VANGL1: variants seen among roughly 807,000 people sequenced by gnomAD.
VANGL1 encodes the protein VANGL planar cell polarity protein 1, also known as vang-like protein 1.
In VANGL1, 18 loss-of-function variants were observed where a neutral mutation model predicts 48.4. The observed-to-expected ratio is 0.37, with a 90% confidence interval of 0.26 to 0.55. VANGL1 has a LOEUF of 0.55. VANGL1 is among the 20% of genes least tolerant of loss of function. VANGL1 has a pLI of 0.81. For synonymous variants in VANGL1, 257 were observed against 261.8 expected (o/e 0.98, Z 0.18); for missense variants, 667 against 675.8 (o/e 0.99, Z 0.14).
rs1383337458 is a variant in VANGL1, at chr1:115,693,779, A to G, written c.*2400A>G. On this transcript the variant is annotated 3_prime_UTR_variant, in exon 8 of 8. Coordinates refer to ENST00000355485, the MANE Select transcript of VANGL1 (RefSeq NM_138959.3). ...ACATTTAAAAGATTTAAGGTTTCAG[A>G]AAGCTGCATCCCACAATTGAACACA... The G allele has an allele frequency of 1.3e-5, 2 of 152,236 alleles. No homozygotes were observed. The highest frequency in any genetic ancestry group is 4.8e-5 in the African/African-American group (2 of 41,466). 9.4% of individuals were successfully genotyped at this position (152,236 alleles called of 1,614,324 possible).
chr1:115,693,160 T>C lies in VANGL1; in HGVS notation c.*1781T>C, dbSNP rs1448564046. 1 of 152,626 alleles carries C rather than the reference T, an allele frequency of 6.6e-6. No individual in the cohort carries two copies. The highest frequency in any genetic ancestry group is 2.4e-5 in the African/African-American group (1 of 41,452). 9.5% of individuals were successfully genotyped at this position (152,626 alleles called of 1,614,324 possible). On this transcript the variant is annotated 3_prime_UTR_variant, in exon 8 of 8. Transcript: ENST00000355485. ...CAAGATGTACTATTCAACTATGTGT[T>C]TCTGTTTATAAAAAACACATACCAT... is the stretch of plus-strand genomic sequence containing the variant.
chr1:115,646,718 A>G (rs964187923), intron 1 of VANGL1, among the ~76,000 whole-genome samples: 1 of 152,176 alleles, frequency 6.6e-6, no homozygotes, highest in African/African-American at 2.4e-5. Context: ...ACAGGCAGTC[A>G]TGAAAGTGCC....
rs200391853 is a variant in VANGL1, at chr1:115,659,720, C to T, written c.151C>T (p.Pro51Ser). Residue 51 changes from proline (P) to serine (S), a missense_variant, in exon 3 of 8, where the codon CCC becomes TCC. Physicochemically the swap from Pro to Ser is moderately conservative, Grantham distance 74. Coordinates refer to ENST00000355485, the MANE Select transcript of VANGL1 (RefSeq NM_138959.3). ...GSEKSVTIQP[P>S]TGEPLLGNDS... Reference sequence around the variant, plus strand: ...AGAAAAGTCTGTCACCATTCAACCTCCCACTGGAGAGCCCCTGTTGGGAAA... The same window carrying T: ...AGAAAAGTCTGTCACCATTCAACCTTCCACTGGAGAGCCCCTGTTGGGAAA... 5 of 1,614,144 alleles carry T rather than the reference C, an allele frequency of 3.1e-6. No individual in the cohort carries two copies. The South Asian group carries it at 4.4e-5, about 14-fold the overall frequency.
intron 4 of VANGL1, among the ~76,000 whole-genome samples, chr1:115,668,198 A>ACT (rs1178327886): frequency 6.6e-6 from 1 of 152,228 alleles, no homozygotes. Flanking sequence ...ATTTCACCAT[A>ACT]CTACCTCTGA....
chr1:115,678,168 C>G (rs1234516596), intron 4 of VANGL1, among the ~76,000 whole-genome samples: 4 of 152,196 alleles, frequency 2.6e-5, no homozygotes, highest in Non-Finnish European at 5.9e-5. Context: ...TTGACTCCCT[C>G]GAAGATATCA....
In VANGL1 at chr1:115,651,437, T is replaced by G. The variant is rs747678228; in HGVS notation, c.24T>G (p.Ser8=). 2 of 1,614,106 alleles carry G rather than the reference T, an allele frequency of 1.2e-6. No homozygotes were observed. Among genetic ancestry groups the G allele is most frequent in the Non-Finnish European group, 1.7e-6 (2 of 1,180,020 alleles). Residue 8 remains serine (S), a synonymous_variant, in exon 2 of 8, where the codon TCT becomes TCG. Coordinates refer to ENST00000355485, the MANE Select transcript of VANGL1 (RefSeq NM_138959.3). The part of the protein sequence containing the change: MDTESTY[S]GYSYYSSHSK... ...CTATGGATACCGAATCCACTTATTC[T>G]GGATATTCTTACTATTCAAGTCATT...
intron 3 of VANGL1, among the ~76,000 whole-genome samples, chr1:115,662,246 G>A (rs949785976): frequency 5.3e-5 from 8 of 151,990 alleles, no homozygotes; most frequent in Non-Finnish European, 7.4e-5. Flanking sequence ...TACTAGATTC[G>A]GAGTTATTTG....
At chr1:115,659,552 C>T in intron 2 of VANGL1, 89 bp from the exon 3 acceptor site, 4 of 1,494,780 alleles carry the variant, frequency 2.7e-6, no homozygotes, top group Non-Finnish European at 3.7e-6. Flanking sequence ...TGTAGAATTT[C>T]CCTAAATTCA....
chr1:115,684,052 G>A lies in VANGL1; in HGVS notation c.1055G>A (p.Arg352Gln), dbSNP rs746714974. The change falls in exon 6 of 8, where the codon CGG (arginine) becomes CAG (glutamine). Residue 352 changes from arginine (R) to glutamine (Q), a missense_variant. Coordinates refer to ENST00000355485, the MANE Select transcript of VANGL1 (RefSeq NM_138959.3). ...TATTATGAAGAGGCCGAACATGAAC[G>A]GCGAGTAAAGAAGCGGAAAGCAAGG... ...ELYYEEAEHE[R>Q]RVKKRKARLV... 2.5e-6 allele frequency: 4 copies of A among 1,613,910 alleles called. No individual in the cohort carries two copies. Among genetic ancestry groups the A allele is most frequent in the East Asian group, 2.2e-5 (1 of 44,878 alleles).
At chr1:115,659,581 G>T in intron 2 of VANGL1, 60 bp from the exon 3 acceptor site, 1 of 1,598,400 alleles carries the variant, frequency 6.3e-7, no homozygotes, top group Non-Finnish European at 8.5e-7. Flanking sequence ...CTTACATTTT[G>T]ATAAACCCAG....
chr1:115,682,143 C>G (rs1419199465), intron 4 of VANGL1, among the ~76,000 whole-genome samples: 1 of 152,208 alleles, frequency 6.6e-6, no homozygotes. Flanking sequence ...TGGCTAATCA[C>G]AGGTCCAGGA....
chr1:115,683,239 T>G (rs1359597168), intron 5 of VANGL1, among the ~76,000 whole-genome samples: 1 of 152,196 alleles, frequency 6.6e-6, no homozygotes, highest in Non-Finnish European at 1.5e-5. Context: ...ATCTAAAAAC[T>G]TAGGAAAGAT....
intron 1 of VANGL1, among the ~76,000 whole-genome samples, chr1:115,646,690 G>A (rs556304565): frequency 6.6e-6 from 1 of 152,152 alleles, no homozygotes; most frequent in African/African-American, 2.4e-5. Flanking sequence ...TACCCATAAT[G>A]TCCTAGGAGC....
chr1:115,654,113 G>A (rs778092133), intron 2 of VANGL1, among the ~76,000 whole-genome samples: 3 of 152,170 alleles, frequency 2.0e-5, no homozygotes, highest in African/African-American at 2.4e-5. Flanking sequence ...TGTCCAAGGA[G>A]TGTTCCTGTG....
At chr1:115,668,305 A>T (rs548262175) in intron 4 of VANGL1, among the ~76,000 whole-genome samples, 3 of 152,348 alleles carry the variant, frequency 2.0e-5, no homozygotes, top group African/African-American at 7.2e-5. Flanking sequence ...TCGGTGCCAG[A>T]TATTTTTGTA....
chr1:115,672,380 G>A (rs1653009397), intron 4 of VANGL1, among the ~76,000 whole-genome samples: 1 of 152,162 alleles, frequency 6.6e-6, no homozygotes, highest in South Asian at 2.1e-4. Flanking sequence ...TTTGGCTGCC[G>A]AAGCTTTTGT....
Position 115,685,716 on chromosome 1 carries a change from G to A in VANGL1, c.1314+189G>A, listed in dbSNP as rs564864274. Among the ~76,000 whole-genome samples, 4 of 152,138 alleles carry A rather than the reference G, an allele frequency of 2.6e-5. No homozygotes were observed. The East Asian group carries it at 5.8e-4, about 22-fold the overall frequency. On this transcript the variant is annotated intron_variant, in intron 7 of 7. Transcript: ENST00000355485. ...AATTGTTTTTTTAAATGTGCCTTTC[G>A]AAGGCCTCTGGATTCTAACAGAGGA...
At chr1:115,651,576 T>C (rs1428234989) in intron 2 of VANGL1, 92 bp downstream of exon 2, 6 of 1,105,300 alleles carry the variant, frequency 5.4e-6, no homozygotes, top group South Asian at 1.3e-5. Flanking sequence ...GACTCAGCGC[T>C]GGACATTTGG....
intron 2 of VANGL1, among the ~76,000 whole-genome samples, chr1:115,659,200 A>C (rs1233140432): frequency 6.6e-6 from 1 of 152,054 alleles, no homozygotes. Flanking sequence ...GATATTCTAC[A>C]AAAAAATAGA....
Sources: gnomAD v4.1 joint callset for allele counts (sites outside exome capture counted in the v4.1 genomes callset) on GRCh38, gnomAD v4.1.1 for gene constraint, MANE v1.5 for transcripts, NCBI Gene and HGNC (gene_info 2026-07-23, HGNC 2026-07-21) for gene names.